The following LEPROTL1 variants were observed in gnomAD, a reference collection of about 807,000 sequenced individuals.
The protein encoded by LEPROTL1 is leptin receptor overlapping transcript like 1.
In LEPROTL1, 6 loss-of-function variants were observed where a neutral mutation model predicts 15.4. The ratio of observed to expected loss-of-function variants is 0.39; its 90% CI spans 0.21 to 0.77. LEPROTL1 has a LOEUF of 0.77. LEPROTL1 is among the 30% of genes least tolerant of loss of function. The pLI is 0.41. For synonymous variants in LEPROTL1, 56 were observed against 52.6 expected, an observed-to-expected ratio of 1.06 and a Z score of -0.28; for missense variants, 128 against 158.1, an observed-to-expected ratio of 0.81 and a Z score of 1.02.
At chr8:30,116,597 T>G (rs993636146) in intron 3 of LEPROTL1, among the ~76,000 whole-genome samples, 1 of 151,990 alleles carries the variant, frequency 6.6e-6, no homozygotes, top group Non-Finnish European at 1.5e-5. Flanking sequence ...GCCCAGTTCC[T>G]AATAGGCCAT....
In LEPROTL1 at chr8:30,105,631, T is replaced by G. The variant is rs576013236; in HGVS notation, c.280-115T>G. 2.9e-4 allele frequency: 183 copies of G among 637,378 alleles called. 3 individuals carry two copies. In the South Asian group the frequency reaches 3.2e-3, roughly 11 times the overall value. The allele number at this position is 637,378 out of a possible 1,614,324, so 39.5% of individuals were successfully genotyped here. ...GTGTTCAGCACTGTGACAATTATTG[T>G]TACAAGGCATGCTTCTTTTAGATCA... On this transcript the variant is annotated intron_variant, in intron 3 of 3. Transcript: ENST00000321250.
chr8:30,096,044 C>A (rs910450277), intron 1 of LEPROTL1, among the ~76,000 whole-genome samples: 2 of 152,120 alleles, frequency 1.3e-5, no homozygotes, highest in African/African-American at 4.8e-5. Context: ...CGCCCGCGCC[C>A]GAGGCTTTAC....
Position 30,107,659 on chromosome 8 carries a change from T to C in LEPROTL1, c.*1797T>C. The C allele has an allele frequency of 4.1e-6, 4 of 985,646 alleles. No individual in the cohort carries two copies. Among genetic ancestry groups the C allele is most frequent in the Non-Finnish European group, 4.8e-6 (4 of 829,922 alleles). 61.1% of individuals were successfully genotyped at this position (985,646 alleles called of 1,614,324 possible). ...AGGCTGAAAGTGGCTTGTGGTATTATAATGTTCAGATTTCAAGAGGAAGGT... is the reference window on the plus strand; with the variant it reads ...AGGCTGAAAGTGGCTTGTGGTATTACAATGTTCAGATTTCAAGAGGAAGGT... On this transcript the variant is annotated 3_prime_UTR_variant, in exon 4 of 4. Coordinates refer to ENST00000321250, the MANE Select transcript of LEPROTL1 (RefSeq NM_015344.3).
Position 30,115,135 on chromosome 8 carries a change from G to A in LEPROTL1, c.279+10649G>A, listed in dbSNP as rs183269582. Reference sequence around the variant, plus strand: ...TCCCAGCACTTTCGGAGGCAGAGGCGGGTGGATCCCTGGAGAGCAGTAGTT... The same window carrying A: ...TCCCAGCACTTTCGGAGGCAGAGGCAGGTGGATCCCTGGAGAGCAGTAGTT... On this transcript the variant is annotated intron_variant, in intron 3 of 4. Coordinates refer to the LEPROTL1 transcript ENST00000442880. 9.9e-5 allele frequency among the ~76,000 whole-genome samples: 15 copies of A among 152,190 alleles called. No homozygotes were observed. In the East Asian group the frequency reaches 1.9e-3, roughly 20 times the overall value.
downstream of LEPROTL1, chr8:30,138,097 G>A (rs73224598): frequency 0.022 from 3,807 of 171,008 alleles, 57 homozygotes; most frequent in Non-Finnish European, 0.032. Flanking sequence ...AAGCGGCACT[G>A]TCAACTCACT....
rs886369392 is a variant in LEPROTL1, at chr8:30,106,086, T to C, written c.*224T>C. The C allele has an allele frequency of 1.1e-5, 12 of 1,070,666 alleles. No homozygotes were observed. In the Admixed American group the frequency reaches 2.5e-4, roughly 23 times the overall value. 66.3% of individuals were successfully genotyped at this position (1,070,666 alleles called of 1,614,324 possible). A position where few individuals can be genotyped will look rare whatever the true frequency, so the allele number is the denominator to read the frequency against. ...AAAAGCTTGACTGATTTCACACTTATCTATAGTATGCTTTTTGTGGTGTCC... is the reference window on the plus strand; with the variant it reads ...AAAAGCTTGACTGATTTCACACTTACCTATAGTATGCTTTTTGTGGTGTCC... On this transcript the variant is annotated 3_prime_UTR_variant, in exon 4 of 4. Transcript: ENST00000321250.
At chr8:30,129,675 A>T (rs1453777379) in intron 3 of LEPROTL1, among the ~76,000 whole-genome samples, 1 of 150,360 alleles carries the variant, frequency 6.7e-6, no homozygotes, top group Non-Finnish European at 1.5e-5. Flanking sequence ...ACTGCACACC[A>T]CTGCACTCCA....
chr8:30,113,432 G>A (rs914604485), downstream of LEPROTL1, among the ~76,000 whole-genome samples: 2 of 152,148 alleles, frequency 1.3e-5, no homozygotes, highest in African/African-American at 4.8e-5. Flanking sequence ...GCTAGCAAGC[G>A]TGGGAGAATA....
At chr8:30,119,694 A>C (rs1802797036) in intron 3 of LEPROTL1, among the ~76,000 whole-genome samples, 3 of 152,166 alleles carry the variant, frequency 2.0e-5, no homozygotes, top group Admixed American at 2.0e-4. Flanking sequence ...GGGGAATACT[A>C]CTCAGCCCAT....
In LEPROTL1 at chr8:30,106,097, CTT is replaced by C; in HGVS notation, c.*239_*240del. On this transcript the variant is annotated 3_prime_UTR_variant, in exon 4 of 4. Coordinates refer to ENST00000321250, the MANE Select transcript of LEPROTL1 (RefSeq NM_015344.3). ...TGATTTCACACTTATCTATAGTATG[CTT>C]TTTGTGGTGTCCTGCTGAATTTAAA... 1 of 1,048,948 alleles carries C rather than the reference CTT, an allele frequency of 9.5e-7. No individual in the cohort carries two copies. Among genetic ancestry groups the C allele is most frequent in the Non-Finnish European group, 1.1e-6 (1 of 870,516 alleles). The allele number at this position is 1,048,948 out of a possible 1,614,324, so 65.0% of individuals were successfully genotyped here.
chr8:30,130,253 G>GC (rs1316981403), intron 3 of LEPROTL1, among the ~76,000 whole-genome samples: 1 of 151,410 alleles, frequency 6.6e-6, no homozygotes, highest in African/African-American at 2.4e-5. Context: ...TACAAAGTTT[G>GC]TTTTTTTTTA....
chr8:30,107,468 G>A lies in LEPROTL1; in HGVS notation c.*1606G>A. 3.0e-6 allele frequency: 3 copies of A among 985,806 alleles called. No homozygotes were observed. Among genetic ancestry groups the A allele is most frequent in the Non-Finnish European group, 3.6e-6 (3 of 829,908 alleles). 61.1% of individuals were successfully genotyped at this position (985,806 alleles called of 1,614,324 possible). ...TGACAGCTGTCTGTTGTTTTATGAAGTTTATTTCTCAAGAAAATGGGAATA... is the reference window on the plus strand; with the variant it reads ...TGACAGCTGTCTGTTGTTTTATGAAATTTATTTCTCAAGAAAATGGGAATA... On this transcript the variant is annotated 3_prime_UTR_variant, in exon 4 of 4. Transcript: ENST00000321250.
At position 30,130,781 on chromosome 8, in the gene LEPROTL1, A is replaced by ATT. The variant is rs11411595; in HGVS notation, c.280-1579_280-1578dup. Among the ~76,000 whole-genome samples, 1,065 of 133,910 alleles carry ATT rather than the reference A, an allele frequency of 8.0e-3. 8 individuals are homozygous for ATT. Among genetic ancestry groups the ATT allele is most frequent in the African/African-American group, 0.014 (491 of 36,336 alleles). 87.9% of individuals were successfully genotyped at this position (133,910 alleles called of 152,430 possible). A position where few individuals can be genotyped will look rare whatever the true frequency, so the allele number is the denominator to read the frequency against. On this transcript the variant is annotated intron_variant, in intron 3 of 4. Transcript: ENST00000442880. ...TTTTTTTTCAAATTTTCAAAAAAAA[A>ATT]TTTTTTTTTTTTTTTTGAGGTGGAA...
At chr8:30,131,259 C>CAT (rs35960878) in intron 3 of LEPROTL1, among the ~76,000 whole-genome samples, 108,880 of 141,076 alleles carry the variant, frequency 0.77, 43,708 homozygotes, top group Middle Eastern at 0.89. Context: ...CCCAAATATA[C>CAT]ATATATATAT....
chr8:30,131,969 C>T (rs992658299), intron 3 of LEPROTL1: 1 of 1,549,480 alleles, frequency 6.5e-7, no homozygotes, highest in Non-Finnish European at 8.7e-7. Flanking sequence ...TTTCTCTTCG[C>T]CAATAGCAAA....
chr8:30,113,288 C>G (rs184757566), downstream of LEPROTL1, among the ~76,000 whole-genome samples: 3 of 151,834 alleles, frequency 2.0e-5, no homozygotes, highest in Admixed American at 6.6e-5. Flanking sequence ...ACAAAACAAA[C>G]AAAGAACAGA....
At chr8:30,134,938 G>T (rs1344457711) in intron 4 of LEPROTL1, among the ~76,000 whole-genome samples, 1 of 152,020 alleles carries the variant, frequency 6.6e-6, no homozygotes, top group Non-Finnish European at 1.5e-5. Flanking sequence ...GGAGTGCAGT[G>T]GCACCATCCT....
intron 4 of LEPROTL1, among the ~76,000 whole-genome samples, chr8:30,136,730 C>CTTTTTTT (rs11390350): frequency 7.0e-6 from 1 of 143,788 alleles, no homozygotes; most frequent in African/African-American, 2.6e-5. Context: ...TCCCCCCGAA[C>CTTTTTTT]TTTTTTTTTT....
intron 3 of LEPROTL1, among the ~76,000 whole-genome samples, 195 bp from the exon 4 acceptor site, chr8:30,105,547 ATATT>A (rs1457075194): frequency 6.8e-6 from 1 of 147,984 alleles, no homozygotes; most frequent in Non-Finnish European, 1.5e-5. Context: ...ATATTTATAT[ATATT>A]TATACTATAT....
Sources: gnomAD v4.1 joint callset for allele counts (sites outside exome capture counted in the v4.1 genomes callset) on GRCh38, gnomAD v4.1.1 for gene constraint, MANE v1.5 for transcripts, NCBI Gene and HGNC (gene_info 2026-07-23, HGNC 2026-07-21) for gene names.